The following TRAPPC8 variants were observed in gnomAD, a reference collection of about 807,000 sequenced individuals.
The protein encoded by TRAPPC8 is trafficking protein particle complex subunit 8, also known as general sporulation gene 1 homolog.
TRAPPC8 carries 54 observed loss-of-function variants against 174.3 expected under a neutral mutation model. That is an observed-to-expected ratio of 0.31 (90% CI 0.25 to 0.39). The LOEUF (loss-of-function observed/expected upper bound fraction) is 0.39. TRAPPC8 is among the 10% of genes least tolerant of loss of function. The pLI is 1.00. For missense variants in TRAPPC8, 1,531 were observed against 1,699.1 expected, an observed-to-expected ratio of 0.90 and a Z score of 1.74; for synonymous variants, 630 against 579.9, an observed-to-expected ratio of 1.09 and a Z score of -1.24.
At chr18:31,939,774 G>A (rs1387031486) in intron 1 of TRAPPC8, 1 of 152,212 alleles carries the variant, frequency 6.6e-6, no homozygotes. Flanking sequence ...AGGATAGCTA[G>A]AACCTGGGAA....
chr18:31,894,903 A>G lies in TRAPPC8; in HGVS notation c.1596+2883T>C, dbSNP rs116101896. Among the ~76,000 whole-genome samples, 697 of 152,358 alleles carry G rather than the reference A, an allele frequency of 4.6e-3. 4 individuals carry two copies. The highest frequency in any genetic ancestry group is 0.016 in the African/African-American group (667 of 41,582). ...AGAAAAAATGGGTTATAAGACCAGA[A>G]TAAGTGTTCAACACAGAAACAGACA... On this transcript the variant is annotated intron_variant, in intron 11 of 28. Coordinates refer to ENST00000283351, the MANE Select transcript of TRAPPC8 (RefSeq NM_014939.5).
intron 26 of TRAPPC8, among the ~76,000 whole-genome samples, chr18:31,846,103 C>A (rs540045957): frequency 7.9e-5 from 12 of 152,226 alleles, no homozygotes; most frequent in African/African-American, 2.6e-4. Flanking sequence ...CAAATCAATT[C>A]TTTTCATACC....
intron 11 of TRAPPC8, among the ~76,000 whole-genome samples, chr18:31,894,139 G>A (rs1281800521): frequency 6.6e-6 from 1 of 152,202 alleles, no homozygotes; most frequent in Non-Finnish European, 1.5e-5. Context: ...ACTCTTGCAT[G>A]TGGAGAATCA....
At position 31,908,376 on chromosome 18, in the gene TRAPPC8, T is replaced by C. The variant is rs2036755408; in HGVS notation, c.1165A>G (p.Thr389Ala). Residue 389 changes from threonine to alanine, a missense_variant, in exon 8 of 29, where the codon ACT becomes GCT. Thr to Ala is a moderately conservative substitution (Grantham distance 58, BLOSUM62 0). Transcript: ENST00000283351. ...TTACTGCCACTAAACCATTTTTTAGTTGCAGAAAATAGAGATCGACTCAAA... is the reference window on the plus strand; with the variant it reads ...TTACTGCCACTAAACCATTTTTTAGCTGCAGAAAATAGAGATCGACTCAAA... ...KGLSRSLFSATKKWFSGSKVP... is the reference protein window; with the variant it reads ...KGLSRSLFSAAKKWFSGSKVP... 7 of 1,605,752 alleles carry C rather than the reference T, an allele frequency of 4.4e-6. No individual in the cohort carries two copies. Among genetic ancestry groups the C allele is most frequent in the Admixed American group, 1.7e-5 (1 of 58,778 alleles).
chr18:31,907,317 CA>C, intron 9 of TRAPPC8, 142 bp downstream of exon 9: 1 of 732,902 alleles, frequency 1.4e-6, no homozygotes, highest in East Asian at 3.1e-5. Flanking sequence ...ATCAACTCAG[CA>C]TTAAGGAATT....
chr18:31,933,300 C>CA (rs770309579), intron 1 of TRAPPC8, among the ~76,000 whole-genome samples: 1,583 of 91,082 alleles, frequency 0.017, 17 homozygotes, highest in African/African-American at 0.034. Flanking sequence ...GACTCCGTCT[C>CA]AAAAAAAAAA....
intron 24 of TRAPPC8, among the ~76,000 whole-genome samples, chr18:31,850,695 C>T (rs2033662311): frequency 6.6e-6 from 1 of 152,074 alleles, no homozygotes; most frequent in African/African-American, 2.4e-5. Flanking sequence ...TCCTTATGAG[C>T]GAACTTCTTG....
At chr18:31,911,970 G>A (rs912444819) in intron 5 of TRAPPC8, among the ~76,000 whole-genome samples, 9 of 151,760 alleles carry the variant, frequency 5.9e-5, no homozygotes, top group East Asian at 1.9e-4. Context: ...ACTACCAAGC[G>A]GCATACTATT....
At chr18:31,897,698 T>C in intron 11 of TRAPPC8, 88 bp downstream of exon 11, 1 of 969,122 alleles carries the variant, frequency 1.0e-6, no homozygotes, top group Non-Finnish European at 1.4e-6. Context: ...AATTTTATGT[T>C]TTGTAAAGCC....
chr18:31,900,789 TA>T, intron 10 of TRAPPC8, 135 bp downstream of exon 10: 1 of 640,038 alleles, frequency 1.6e-6, no homozygotes, highest in Non-Finnish European at 2.5e-6. Context: ...AATAAAACAC[TA>T]ACTTTTTAAA....
intron 3 of TRAPPC8, among the ~76,000 whole-genome samples, chr18:31,916,823 C>T (rs923958744): frequency 3.6e-5 from 5 of 139,394 alleles, no homozygotes; most frequent in Admixed American, 7.9e-5. Flanking sequence ...CATGAGCCAC[C>T]GTGCCCAGCG....
chr18:31,908,790 T>G lies in TRAPPC8; in HGVS notation c.1086A>C (p.Pro362=). Reference sequence around the variant, plus strand: ...ATTGCCTAATTGTTTTCTCTATATGTGGCAAAAGGCCCCGAAATGTGAACT... The same window carrying G: ...ATTGCCTAATTGTTTTCTCTATATGGGGCAAAAGGCCCCGAAATGTGAACT... ...IQEFTFRGLL[P]HIEKTIRQLN... The change falls in exon 7 of 29, where the codon CCA becomes CCC. Residue 362 remains proline, a synonymous_variant. Transcript: ENST00000283351. 6.2e-7 allele frequency: 1 copy of G among 1,611,270 alleles called. No homozygotes were observed. The highest frequency in any genetic ancestry group is 1.1e-5 in the South Asian group (1 of 90,694).
intron 26 of TRAPPC8, 133 bp downstream of exon 26, chr18:31,846,583 C>A: frequency 1.4e-6 from 1 of 711,576 alleles, no homozygotes; most frequent in Admixed American, 2.4e-5. Context: ...CTCAAAACAA[C>A]AACAAAAAAA....
intron 11 of TRAPPC8, among the ~76,000 whole-genome samples, chr18:31,895,520 A>G (rs929868553): frequency 3.3e-5 from 5 of 152,214 alleles, no homozygotes; most frequent in Admixed American, 6.5e-5. Context: ...AGTGGAAACA[A>G]AGAGTTGGAA....
rs375598207 is a variant in TRAPPC8 at position 31,846,829 on chromosome 18, A to G, written c.3736-12T>C. Reference sequence around the variant, plus strand: ...TCCACAACGTATGCCTAAAAAATGCAAAGTACAAAAACGTTACCGTGCTTG... The same window carrying G: ...TCCACAACGTATGCCTAAAAAATGCGAAGTACAAAAACGTTACCGTGCTTG... On this transcript the variant is annotated splice_polypyrimidine_tract_variant and intron_variant, in intron 25 of 28. Transcript: ENST00000283351. The G allele has an allele frequency of 2.1e-5, 33 of 1,602,250 alleles. No homozygotes were observed. The highest frequency in any genetic ancestry group is 3.4e-6 in the Non-Finnish European group (4 of 1,171,586).
chr18:31,928,730 TACCA>T (rs2037730285), intron 2 of TRAPPC8, among the ~76,000 whole-genome samples: 1 of 152,194 alleles, frequency 6.6e-6, no homozygotes, highest in South Asian at 2.1e-4. Context: ...TTTGTCTCCC[TACCA>T]GATTATAAAC....
At chr18:31,939,153 G>A (rs1323187094) in intron 1 of TRAPPC8, among the ~76,000 whole-genome samples, 2 of 148,998 alleles carry the variant, frequency 1.3e-5, no homozygotes, top group African/African-American at 4.9e-5. Flanking sequence ...AGCTGTTCTA[G>A]GTGGTAAAGA....
At chr18:31,930,052 C>A (rs1352722329) in intron 2 of TRAPPC8, among the ~76,000 whole-genome samples, 1 of 151,752 alleles carries the variant, frequency 6.6e-6, no homozygotes, top group African/African-American at 2.4e-5. Context: ...TTTAACTATA[C>A]AAGAGCAACA....
Position 31,917,677 on chromosome 18 carries a change from A to T in TRAPPC8, c.353-10T>A, listed in dbSNP as rs1483217433. ...AACCATGGAGTAGTGGCTAAAATTA[A>T]CAATATACAAAACAGTTAAAAGTAT... On this transcript the variant is annotated splice_polypyrimidine_tract_variant and intron_variant, in intron 2 of 28. Transcript: ENST00000283351. 3.1e-6 allele frequency: 5 copies of T among 1,606,214 alleles called. No individual in the cohort carries two copies. In the Admixed American group the frequency reaches 8.4e-5, roughly 27 times the overall value.
Sources: gnomAD v4.1 joint callset for allele counts (sites outside exome capture counted in the v4.1 genomes callset) on GRCh38, gnomAD v4.1.1 for gene constraint, MANE v1.5 for transcripts, NCBI Gene and HGNC (gene_info 2026-07-23, HGNC 2026-07-21) for gene names.